Variants in EDIL3 observed in about 807,000 individuals in gnomAD.
EDIL3 encodes the protein EGF like and discoidin domains 3, also known as EGF-like repeat and discoidin I-like domain-containing protein 3.
In EDIL3, 37 loss-of-function variants were observed where a neutral mutation model predicts 67.4. The ratio of observed to expected loss-of-function variants is 0.55; its 90% CI spans 0.42 to 0.72. EDIL3 has a LOEUF of 0.72. Ranked by LOEUF, EDIL3 falls within the 30% of genes least tolerant of loss-of-function variation. EDIL3 has a pLI of 0.00. For missense variants in EDIL3, 527 were observed against 586.3 expected (o/e 0.90, Z 1.04); for synonymous variants, 195 against 196.3 (o/e 0.99, Z 0.05).
At chr5:84,177,905 AAAT>A (rs1358740699) in intron 4 of EDIL3, among the ~76,000 whole-genome samples, 1 of 152,198 alleles carries the variant, frequency 6.6e-6, no homozygotes, top group Non-Finnish European at 1.5e-5. Flanking sequence ...AAAGTTCTTT[AAAT>A]GTCTAGCTAT....
At chr5:84,332,077 A>G (rs1275413863) in intron 1 of EDIL3, among the ~76,000 whole-genome samples, 1 of 152,162 alleles carries the variant, frequency 6.6e-6, no homozygotes, top group Non-Finnish European at 1.5e-5. Flanking sequence ...CATTCTAGGA[A>G]AATAAAGTGG....
intron 1 of EDIL3, among the ~76,000 whole-genome samples, chr5:84,309,342 CT>C (rs1242771330): frequency 2.7e-4 from 10 of 37,382 alleles, no homozygotes; most frequent in African/African-American, 8.7e-4. Flanking sequence ...GATTTCTTTT[CT>C]TTTTTTTTAT....
intron 6 of EDIL3, among the ~76,000 whole-genome samples, chr5:84,076,281 G>T (rs557865527): frequency 6.6e-6 from 1 of 152,216 alleles, no homozygotes; most frequent in Non-Finnish European, 1.5e-5. Flanking sequence ...TAGAAAAGAA[G>T]AGATGACTTA....
At chr5:84,266,199 C>T (rs990789182) in intron 1 of EDIL3, among the ~76,000 whole-genome samples, 31 of 152,120 alleles carry the variant, frequency 2.0e-4, no homozygotes, top group African/African-American at 7.5e-4. Context: ...AAACCCATTG[C>T]CTCTATTCTA....
intron 4 of EDIL3, among the ~76,000 whole-genome samples, chr5:84,141,944 T>C (rs200138678): frequency 3.8e-4 from 39 of 102,708 alleles, no homozygotes; most frequent in African/African-American, 1.4e-3. Flanking sequence ...TATATATATA[T>C]ATACATAGAT....
chr5:84,368,570 AATG>A (rs902898760), intron 1 of EDIL3, among the ~76,000 whole-genome samples: 105 of 152,284 alleles, frequency 6.9e-4, no homozygotes, highest in African/African-American at 2.3e-3. Context: ...TAGATTTGGC[AATG>A]ATTTCTTTGA....
intron 9 of EDIL3, among the ~76,000 whole-genome samples, chr5:83,971,570 T>A (rs185140402): frequency 6.2e-4 from 95 of 152,220 alleles, no homozygotes; most frequent in African/African-American, 1.8e-3. Flanking sequence ...TTGTTTTTTT[T>A]ATCCGTAGAA....
intron 1 of EDIL3, among the ~76,000 whole-genome samples, chr5:84,281,056 T>C (rs187239812): frequency 6.6e-6 from 1 of 152,180 alleles, no homozygotes; most frequent in East Asian, 1.9e-4. Flanking sequence ...GAACAGTGGT[T>C]GGCACATATT....
At chr5:84,053,230 G>C (rs1284446153) in intron 9 of EDIL3, among the ~76,000 whole-genome samples, 1 of 152,070 alleles carries the variant, frequency 6.6e-6, no homozygotes, top group Non-Finnish European at 1.5e-5. Flanking sequence ...ACGAAATGAA[G>C]GCAGAAATAA....
chr5:84,075,273 A>G (rs1261910915), intron 6 of EDIL3, among the ~76,000 whole-genome samples: 1 of 152,016 alleles, frequency 6.6e-6, no homozygotes, highest in Non-Finnish European at 1.5e-5. Context: ...TGGGTGCAGC[A>G]CACCAGCATG....
At position 83,941,657 on chromosome 5, in the gene EDIL3, G is replaced by A. The variant is rs139731784; in HGVS notation, c.*1762C>T. On this transcript the variant is annotated 3_prime_UTR_variant, in exon 11 of 11. Coordinates refer to ENST00000296591, the MANE Select transcript of EDIL3 (RefSeq NM_005711.5). ...AAAGTTATCTAAAAAAGGCAATATG[G>A]AGGAAATAGTAATTTTGTTTTTGAA... 5.9e-5 allele frequency: 9 copies of A among 151,968 alleles called. No homozygotes were observed. In the East Asian group the frequency reaches 1.7e-3, roughly 30 times the overall value. The allele number at this position is 151,968 out of a possible 1,614,324, so 9.4% of individuals were successfully genotyped here.
chr5:84,058,926 T>A (rs567431503), intron 9 of EDIL3, among the ~76,000 whole-genome samples: 3 of 152,196 alleles, frequency 2.0e-5, no homozygotes, highest in African/African-American at 7.2e-5. Flanking sequence ...ATACTCCTTA[T>A]CTTCAAAAAG....
At chr5:83,944,859 T>C (rs866475217) in intron 10 of EDIL3, among the ~76,000 whole-genome samples, 1 of 151,964 alleles carries the variant, frequency 6.6e-6, no homozygotes. Context: ...CAGAGACACC[T>C]GAAGATAAAA....
chr5:84,105,665 G>C (rs1267431476), intron 6 of EDIL3, among the ~76,000 whole-genome samples: 1 of 151,936 alleles, frequency 6.6e-6, no homozygotes, highest in Non-Finnish European at 1.5e-5. Flanking sequence ...ATACCTTTTA[G>C]TATGACTCCC....
chr5:84,058,441 G>A (rs144212551), intron 9 of EDIL3, among the ~76,000 whole-genome samples: 96 of 152,230 alleles, frequency 6.3e-4, no homozygotes, highest in Non-Finnish European at 8.7e-4. Context: ...AGCTGGTTAA[G>A]AAGCTTCTGT....
In EDIL3 at chr5:84,274,081, G is replaced by A. The variant is rs139607999; in HGVS notation, c.68-19869C>T. Among the ~76,000 whole-genome samples, 972 of 152,046 alleles carry A rather than the reference G, an allele frequency of 6.4e-3. 11 individuals are homozygous for A. The highest frequency in any genetic ancestry group is 0.022 in the African/African-American group (898 of 41,506). On this transcript the variant is annotated intron_variant, in intron 1 of 10. Coordinates refer to ENST00000296591, the MANE Select transcript of EDIL3 (RefSeq NM_005711.5). ...GATTTGAAAAGTGCTATTTGAATTA[G>A]AGCATCCTAAAATATTTTATTTATT...
chr5:84,030,960 G>C (rs910038875), intron 9 of EDIL3, among the ~76,000 whole-genome samples: 4 of 152,124 alleles, frequency 2.6e-5, no homozygotes, highest in African/African-American at 4.8e-5. Flanking sequence ...GATGGAGGCT[G>C]GTAGTCCAAG....
intron 4 of EDIL3, among the ~76,000 whole-genome samples, chr5:84,179,161 G>C (rs982473967): frequency 4.6e-5 from 7 of 152,096 alleles, no homozygotes; most frequent in African/African-American, 1.7e-4. Flanking sequence ...TGGTCTTCAT[G>C]GGATTAAGTG....
intron 9 of EDIL3, among the ~76,000 whole-genome samples, chr5:84,017,392 A>G (rs760685755): frequency 6.6e-6 from 1 of 152,214 alleles, no homozygotes; most frequent in Non-Finnish European, 1.5e-5. Context: ...CTTGTGAAAC[A>G]TGTAACCAAC....
Sources: gnomAD v4.1 joint callset for allele counts (sites outside exome capture counted in the v4.1 genomes callset) on GRCh38, gnomAD v4.1.1 for gene constraint, MANE v1.5 for transcripts, NCBI Gene and HGNC (gene_info 2026-07-23, HGNC 2026-07-21) for gene names.